TENM3: variants seen among roughly 807,000 people sequenced by gnomAD.
The protein encoded by TENM3 is teneurin transmembrane protein 3.
A neutral mutation model predicts 255.1 loss-of-function variants in TENM3; 63 were observed. The observed-to-expected ratio is 0.25, with a 90% CI of 0.20 to 0.30. The LOEUF is 0.30. Among genes scored for constraint, TENM3 ranks in the 10% least tolerant of loss-of-function variants. TENM3 has a pLI of 1.00. For missense variants in TENM3, 2,929 were observed against 3,461.1 expected, an observed-to-expected ratio of 0.85 and a Z score of 3.86; for synonymous variants, 1,306 against 1,322.3, an observed-to-expected ratio of 0.99 and a Z score of 0.27.
At chr4:181,836,183 G>GCGCACA in the TENM3 span, among the ~76,000 whole-genome samples, 1 of 148,942 alleles carries the variant, frequency 6.7e-6, no homozygotes, top group South Asian at 2.1e-4. Context: ...ATACACACAT[G>GCGCACA]CACACACACA....
chr4:182,421,986 T>G (rs1261135997), intron 3 of TENM3, among the ~76,000 whole-genome samples: 1 of 152,142 alleles, frequency 6.6e-6, no homozygotes, highest in Non-Finnish European at 1.5e-5. Flanking sequence ...CCGTGCGAAA[T>G]GAATCCCACT....
intron 11 of TENM3, among the ~76,000 whole-genome samples, chr4:182,682,984 G>A (rs1038909944): frequency 2.6e-5 from 4 of 152,250 alleles, no homozygotes; most frequent in South Asian, 2.1e-4. Flanking sequence ...AACTTAATGA[G>A]TATTCAGAGT....
the TENM3 span, among the ~76,000 whole-genome samples, chr4:181,719,893 C>T: frequency 5.3e-5 from 8 of 152,282 alleles, no homozygotes; most frequent in East Asian, 5.8e-4. Context: ...TTCACAGCCA[C>T]CTCCTTGGAT....
At chr4:181,989,640 T>A in the TENM3 span, among the ~76,000 whole-genome samples, 2 of 152,162 alleles carry the variant, frequency 1.3e-5, no homozygotes. Flanking sequence ...TGAGCCAAAC[T>A]GGCTGTCTAT....
the TENM3 span, among the ~76,000 whole-genome samples, chr4:182,014,766 C>T: frequency 2.6e-5 from 4 of 152,030 alleles, no homozygotes; most frequent in African/African-American, 4.8e-5. Context: ...TGAGGTGTAC[C>T]AGGGGCGGCA....
chr4:182,081,476 C>T, the TENM3 span, among the ~76,000 whole-genome samples: 9 of 149,458 alleles, frequency 6.0e-5, no homozygotes, highest in Middle Eastern at 3.6e-3. Context: ...CCCAGCTACT[C>T]GGGAGGCTGA....
chr4:182,168,204 G>C (rs773830903), intron 1 of TENM3, among the ~76,000 whole-genome samples: 13 of 151,564 alleles, frequency 8.6e-5, no homozygotes, highest in Non-Finnish European at 1.9e-4. Context: ...GTGCAATCAC[G>C]GGTCACAGCA....
the TENM3 span, among the ~76,000 whole-genome samples, chr4:181,687,459 A>T: frequency 6.6e-6 from 1 of 152,142 alleles, no homozygotes; most frequent in Non-Finnish European, 1.5e-5. Flanking sequence ...AAATGCTGAC[A>T]TTCTTATCAT....
the TENM3 span, among the ~76,000 whole-genome samples, chr4:181,873,930 G>A: frequency 2.6e-5 from 4 of 151,988 alleles, no homozygotes; most frequent in South Asian, 2.1e-4. Context: ...GATTACAGGC[G>A]TGCACCACCA....
intron 1 of TENM3, among the ~76,000 whole-genome samples, chr4:182,303,105 C>G (rs1761941334): frequency 1.3e-5 from 2 of 151,738 alleles, no homozygotes; most frequent in African/African-American, 4.8e-5. Context: ...GTGATGGGAA[C>G]CTATCTTAAT....
At chr4:181,630,856 G>T in the TENM3 span, among the ~76,000 whole-genome samples, 1 of 152,090 alleles carries the variant, frequency 6.6e-6, no homozygotes, top group Non-Finnish European at 1.5e-5. Context: ...TATTAGGTCC[G>T]CTTGGTGTGC....
At chr4:182,467,808 C>A (rs1441462467) in intron 3 of TENM3, among the ~76,000 whole-genome samples, 1 of 152,158 alleles carries the variant, frequency 6.6e-6, no homozygotes, top group Non-Finnish European at 1.5e-5. Flanking sequence ...TGTAAAGATC[C>A]AATCTGGTAA....
chr4:182,799,484 C>G lies in TENM3; in HGVS notation c.7345-112C>G. 1 of 1,378,324 alleles carries G rather than the reference C, an allele frequency of 7.3e-7. No homozygotes were observed. The highest frequency in any genetic ancestry group is 9.6e-7 in the Non-Finnish European group (1 of 1,037,876). The allele number at this position is 1,378,324 out of a possible 1,614,324, so 85.4% of individuals were successfully genotyped here. On this transcript the variant is annotated intron_variant, in intron 27 of 27. Transcript: ENST00000511685. This position sits in a 1 kb window ranked among gnomAD's most constrained non-coding sequence, Gnocchi z 4.2. ...GTCAGCCTTCTGGTCAGGGAAGGAC[C>G]CCGGGGCTTCCATGCATGCCCCGGC...
chr4:182,100,682 CACAT>C, the TENM3 span, among the ~76,000 whole-genome samples: 1 of 93,684 alleles, frequency 1.1e-5, no homozygotes, highest in Non-Finnish European at 2.1e-5. Context: ...TATATATACA[CACAT>C]ATATATACAC....
At chr4:181,560,764 A>G in the TENM3 span, among the ~76,000 whole-genome samples, 173 of 152,222 alleles carry the variant, frequency 1.1e-3, no homozygotes, top group Middle Eastern at 3.4e-3. Context: ...CCCAGCCAGG[A>G]AGGTCCGGGA....
the TENM3 span, among the ~76,000 whole-genome samples, chr4:181,616,371 T>TATATATATATCAATAGG: frequency 4.8e-5 from 5 of 104,368 alleles, no homozygotes; most frequent in Admixed American, 3.5e-4. Flanking sequence ...ATCAATAGGA[T>TATATATATATCAATAGG]ATATATATAT....
At chr4:181,821,237 A>G in the TENM3 span, among the ~76,000 whole-genome samples, 4 of 152,090 alleles carry the variant, frequency 2.6e-5, no homozygotes, top group Non-Finnish European at 5.9e-5. Flanking sequence ...GTCTGCTAGG[A>G]TCCCCAGATT....
At chr4:182,313,874 C>T (rs891241005) in intron 1 of TENM3, among the ~76,000 whole-genome samples, 1 of 152,194 alleles carries the variant, frequency 6.6e-6, no homozygotes, top group South Asian at 2.1e-4. Context: ...TCATATCCAT[C>T]CATTTTTCTA....
At chr4:182,381,355 A>G (rs944926405) in intron 3 of TENM3, among the ~76,000 whole-genome samples, 1 of 152,270 alleles carries the variant, frequency 6.6e-6, no homozygotes, top group East Asian at 1.9e-4. Context: ...GGATGCAGGG[A>G]AAAAAAGACT....
Sources: gnomAD v4.1 joint callset for allele counts (sites outside exome capture counted in the v4.1 genomes callset) on GRCh38, gnomAD v4.1.1 for gene constraint, Gnocchi (gnomAD v3.1) non-coding constraint, MANE v1.5 for transcripts, NCBI Gene and HGNC (gene_info 2026-07-23, HGNC 2026-07-21) for gene names.